DISC1: variants seen among roughly 807,000 people sequenced by gnomAD.
DISC1 encodes DISC1 scaffold protein.
A neutral mutation model predicts 84.5 loss-of-function variants in DISC1; 57 were observed. That is an observed-to-expected ratio of 0.67 (90% confidence interval 0.55 to 0.84). The LOEUF is 0.84. Among genes scored for constraint, DISC1 ranks in the 40% least tolerant of loss-of-function variants. The pLI, the probability that DISC1 is intolerant of heterozygous loss-of-function variation, is 0.00. For missense variants in DISC1, 1,000 were observed against 1,057.8 expected (o/e 0.95, Z 0.76); for synonymous variants, 411 against 415.2 (o/e 0.99, Z 0.12).
chr1:231,802,353 C>T (rs958712036), intron 8 of DISC1, among the ~76,000 whole-genome samples: 10 of 152,272 alleles, frequency 6.6e-5, no homozygotes, highest in Non-Finnish European at 5.9e-5. Flanking sequence ...TGCATTCATT[C>T]TTCTTGCCAC....
Position 231,771,037 on chromosome 1 carries a change from C to A in DISC1, c.1601C>A (p.Pro534His). The A allele has an allele frequency of 6.2e-7, 1 of 1,609,566 alleles. No homozygotes were observed. Reference protein sequence around the residue: ...QDTLASAGQIPFHAEPPETIR... With the variant: ...QDTLASAGQIHFHAEPPETIR... ...ACCCTGGCCTCAGCCGGTCAGATTC[C>A]CTTCCATGCAGAGCCACCGGAAACC... The change falls in exon 6 of 13, where the codon CCC (proline) becomes CAC (histidine). Residue 534 changes from proline to histidine, a missense_variant. Physicochemically the swap from Pro to His is moderately conservative, Grantham distance 77. Coordinates refer to ENST00000439617, the MANE Select transcript of DISC1 (RefSeq NM_018662.3).
intron 9 of DISC1, among the ~76,000 whole-genome samples, chr1:231,905,834 G>A (rs1413004659): frequency 6.6e-6 from 1 of 151,902 alleles, no homozygotes; most frequent in Non-Finnish European, 1.5e-5. Context: ...GATTTTGATG[G>A]TTATATTGTG....
intron 9 of DISC1, among the ~76,000 whole-genome samples, chr1:231,868,692 T>TTTTATATA (rs2085227096): frequency 3.7e-5 from 4 of 108,842 alleles, no homozygotes; most frequent in Non-Finnish European, 5.7e-5. Flanking sequence ...ACCCCATCTC[T>TTTTATATA]TATATATATA....
chr1:231,957,195 G>A (rs962457807), intron 9 of DISC1, among the ~76,000 whole-genome samples: 4 of 152,062 alleles, frequency 2.6e-5, no homozygotes, highest in Admixed American at 6.5e-5. Flanking sequence ...ATTTGGCTCC[G>A]GCCACACTTG....
intron 10 of DISC1, among the ~76,000 whole-genome samples, chr1:231,982,403 C>T (rs1229093359): frequency 6.6e-6 from 1 of 152,166 alleles, no homozygotes; most frequent in East Asian, 1.9e-4. Context: ...CTTCCTTCTC[C>T]CCTTTATTTC....
At chr1:231,753,476 G>A (rs2074821047) in intron 4 of DISC1, among the ~76,000 whole-genome samples, 1 of 152,236 alleles carries the variant, frequency 6.6e-6, no homozygotes, top group African/African-American at 2.4e-5. Flanking sequence ...AGTGTCCTGA[G>A]GCTGTGCAGA....
At chr1:231,917,671 GAT>G (rs2089733730) in intron 9 of DISC1, among the ~76,000 whole-genome samples, 1 of 152,170 alleles carries the variant, frequency 6.6e-6, no homozygotes, top group Admixed American at 6.5e-5. Flanking sequence ...GGAAGCCAGC[GAT>G]GGGGCAGGAG....
intron 9 of DISC1, among the ~76,000 whole-genome samples, chr1:231,899,040 G>T (rs150961388): frequency 9.9e-5 from 15 of 152,128 alleles, no homozygotes; most frequent in African/African-American, 3.4e-4. Flanking sequence ...GATGGAAAGA[G>T]TGGAGGACAG....
intron 8 of DISC1, among the ~76,000 whole-genome samples, chr1:231,814,515 T>C (rs2080694083): frequency 6.6e-6 from 1 of 152,210 alleles, no homozygotes; most frequent in Non-Finnish European, 1.5e-5. Flanking sequence ...GGTTAAGGTT[T>C]TCCTTGGCAT....
chr1:231,658,738 T>C (rs1210028757), intron 1 of DISC1, among the ~76,000 whole-genome samples: 1 of 152,234 alleles, frequency 6.6e-6, no homozygotes, highest in Non-Finnish European at 1.5e-5. Flanking sequence ...GAGATAATCA[T>C]GTGGTTTTTG....
intron 3 of DISC1, among the ~76,000 whole-genome samples, chr1:231,731,496 G>A (rs2071508145): frequency 6.6e-6 from 1 of 152,136 alleles, no homozygotes; most frequent in African/African-American, 2.4e-5. Flanking sequence ...GGCATGCTGG[G>A]CCTGTCTTTG....
intron 9 of DISC1, among the ~76,000 whole-genome samples, chr1:231,950,204 C>CTCTG (rs1658083084): frequency 7.2e-6 from 1 of 139,440 alleles, no homozygotes; most frequent in African/African-American, 2.7e-5. Flanking sequence ...AAAAAAAATT[C>CTCTG]TGTGTGTGTG....
At chr1:231,803,871 C>T (rs907194421) in intron 8 of DISC1, among the ~76,000 whole-genome samples, 10 of 134,326 alleles carry the variant, frequency 7.4e-5, no homozygotes, top group South Asian at 4.7e-4. Flanking sequence ...TGGCATGAAC[C>T]GGGAGGCGGA....
rs538522659 is a variant in DISC1 at position 231,925,119 on chromosome 1, C to G, written c.1982-33709C>G. On this transcript the variant is annotated intron_variant, in intron 9 of 12. Coordinates refer to ENST00000439617, the MANE Select transcript of DISC1 (RefSeq NM_018662.3). ...GCTACTGAGGGACTGAAGAATTCAT[C>G]TGGAAACTTTTGGCTGCTCCCCTAT... Among the ~76,000 whole-genome samples, 7 of 152,216 alleles carry G rather than the reference C, an allele frequency of 4.6e-5. No individual in the cohort carries two copies. In the South Asian group the frequency reaches 1.2e-3, roughly 27 times the overall value.
chr1:231,689,986 T>G (rs2064791321), intron 1 of DISC1, among the ~76,000 whole-genome samples: 3 of 152,006 alleles, frequency 2.0e-5, no homozygotes, highest in Admixed American at 2.0e-4. Context: ...TTTGGATAGA[T>G]GAAGGGAGAA....
chr1:231,687,055 A>C (rs564019281), intron 1 of DISC1, among the ~76,000 whole-genome samples: 1 of 152,290 alleles, frequency 6.6e-6, no homozygotes, highest in Non-Finnish European at 1.5e-5. Context: ...TATCACTATC[A>C]GGCTTTTGGT....
At chr1:231,785,787 T>G (rs1363918959) in intron 6 of DISC1, among the ~76,000 whole-genome samples, 2 of 152,102 alleles carry the variant, frequency 1.3e-5, no homozygotes, top group East Asian at 3.9e-4. Context: ...GAGATAAAAT[T>G]GAATTTCTCA....
chr1:231,861,704 G>A (rs1300345389), intron 9 of DISC1, among the ~76,000 whole-genome samples: 1 of 152,112 alleles, frequency 6.6e-6, no homozygotes, highest in Non-Finnish European at 1.5e-5. Context: ...ACCACAGCAT[G>A]TACAAGAGGT....
At chr1:231,686,488 C>G (rs2064295293) in intron 1 of DISC1, among the ~76,000 whole-genome samples, 1 of 152,162 alleles carries the variant, frequency 6.6e-6, no homozygotes, top group South Asian at 2.1e-4. Context: ...TATGTTGGCC[C>G]CTTTCAGCCA....
Sources: gnomAD v4.1 joint callset for allele counts (sites outside exome capture counted in the v4.1 genomes callset) on GRCh38, gnomAD v4.1.1 for gene constraint, MANE v1.5 for transcripts, NCBI Gene and HGNC (gene_info 2026-07-23, HGNC 2026-07-21) for gene names.